Variants in SBF2 observed in about 807,000 individuals in gnomAD.
The protein encoded by SBF2 is myotubularin-related protein 13.
In SBF2, 112 loss-of-function variants were observed where a neutral mutation model predicts 225.2. The observed-to-expected ratio is 0.50, with a 90% CI of 0.43 to 0.58. SBF2 has a LOEUF of 0.58. SBF2 is among the 20% of genes least tolerant of loss of function. The pLI is 0.00. For missense variants in SBF2, 1,996 were observed against 2,206.2 expected (o/e 0.90, Z 1.91); for synonymous variants, 763 against 773.3 (o/e 0.99, Z 0.22).
intron 4 of SBF2, among the ~76,000 whole-genome samples, chr11:10,030,258 T>A (rs1360434753): frequency 6.6e-6 from 1 of 152,204 alleles, no homozygotes; most frequent in East Asian, 1.9e-4. Flanking sequence ...CCGGAATGCT[T>A]ATTCTACAGA....
rs746246566 is a variant in SBF2 at position 10,028,491 on chromosome 11, T to C, written c.580A>G (p.Ile194Val). The C allele has an allele frequency of 6.2e-7, 1 of 1,613,832 alleles. No homozygotes were observed. The change falls in exon 6 of 40, where the codon ATC (isoleucine) becomes GTC (valine). Residue 194 changes from isoleucine to valine, a missense_variant. Coordinates refer to ENST00000256190, the MANE Select transcript of SBF2 (RefSeq NM_030962.4). ...IQTPLHDSLP[I>V]TGTSVALLFQ... Reference sequence around the variant, plus strand: ...AGGAGAGCCACACTAGTGCCCGTGATAGGAAGACTATCATGTAAAGGAGTC... The same window carrying C: ...AGGAGAGCCACACTAGTGCCCGTGACAGGAAGACTATCATGTAAAGGAGTC...
In SBF2 at chr11:9,880,084, T is replaced by TAAAAAAAAA. The variant is rs58140393; in HGVS notation, c.1929+15850_1929+15858dup. ...GGACAATGAGTGAGACTCTGTCTCATAAAAAAAAAAAAAAAAAAAAAAAAA... is the reference window on the plus strand; with the variant it reads ...GGACAATGAGTGAGACTCTGTCTCATAAAAAAAAAAAAAAAAAAAAAAAAAAAAAAAAAA... On this transcript the variant is annotated intron_variant, in intron 17 of 39. Coordinates refer to ENST00000256190, the MANE Select transcript of SBF2 (RefSeq NM_030962.4). 4.2e-4 allele frequency among the ~76,000 whole-genome samples: 22 copies of TAAAAAAAAA among 52,006 alleles called. 6 individuals carry two copies. Among genetic ancestry groups the TAAAAAAAAA allele is most frequent in the African/African-American group, 1.6e-3 (21 of 13,102 alleles). 34.1% of individuals were successfully genotyped at this position (52,006 alleles called of 152,430 possible).
chr11:9,855,080 C>T (rs889917205), intron 19 of SBF2, among the ~76,000 whole-genome samples: 5 of 152,068 alleles, frequency 3.3e-5, no homozygotes, highest in African/African-American at 4.8e-5. Context: ...AGCATCATTT[C>T]GGGAAGATCC....
At position 9,850,080 on chromosome 11, in the gene SBF2, C is replaced by T; in HGVS notation, c.2749G>A (p.Ala917Thr). Reference protein sequence around the residue: ...GGPQLLPAEGALFLTTYRILF... With the variant: ...GGPQLLPAEGTLFLTTYRILF... ...ATTCTGTATGTGGTGAGGAACAAGG[C>T]TCCTTCTGCTGGCAGGAGCTGAGGG... The change falls in exon 22 of 40, where the codon GCC becomes ACC. Residue 917 changes from alanine (A) to threonine (T), a missense_variant. Coordinates refer to ENST00000256190, the MANE Select transcript of SBF2 (RefSeq NM_030962.4). The T allele has an allele frequency of 1.9e-6, 3 of 1,614,146 alleles. No individual in the cohort carries two copies. The highest frequency in any genetic ancestry group is 2.2e-5 in the East Asian group (1 of 44,886).
chr11:10,145,511 G>A (rs1224184721), intron 2 of SBF2, among the ~76,000 whole-genome samples: 2 of 152,100 alleles, frequency 1.3e-5, no homozygotes, highest in African/African-American at 4.8e-5. Context: ...TTAGGGCTGT[G>A]TTTAAAAACT....
chr11:10,234,240 C>A (rs975173043), intron 1 of SBF2, among the ~76,000 whole-genome samples: 2 of 152,026 alleles, frequency 1.3e-5, no homozygotes, highest in Non-Finnish European at 2.9e-5. Context: ...GTTGTTTTTA[C>A]CCCTCATTTT....
rs75447733 is a variant in SBF2, at chr11:9,787,753, A to G, written c.4933-15T>C. 31,236 of 1,608,684 alleles carry G rather than the reference A, an allele frequency of 0.019. 2,819 individuals are homozygous for G. In the East Asian group the frequency reaches 0.32, roughly 17 times the overall value. ...TTTTCAATTTCCTGCAAAGAAATTA[A>G]AAGTTTTCTGATCAGTATTTCATAG... On this transcript the variant is annotated splice_polypyrimidine_tract_variant and intron_variant, in intron 35 of 39. Transcript: ENST00000256190.
At chr11:10,011,679 C>T (rs1948466209) in intron 6 of SBF2, among the ~76,000 whole-genome samples, 1 of 152,186 alleles carries the variant, frequency 6.6e-6, no homozygotes, top group Non-Finnish European at 1.5e-5. Context: ...TATGTCACAT[C>T]AATGCCTTCT....
Position 10,028,504 on chromosome 11 carries a change from A to G in SBF2, c.567T>C (p.His189=). 1.2e-6 allele frequency: 2 copies of G among 1,613,900 alleles called. No individual in the cohort carries two copies. The highest frequency in any genetic ancestry group is 1.7e-6 in the Non-Finnish European group (2 of 1,179,818). The part of the protein sequence containing the change: ...GDRQLIQTPL[H]DSLPITGTSV... Reference sequence around the variant, plus strand: ...TAGTGCCCGTGATAGGAAGACTATCATGTAAAGGAGTCTGGATCAACTGTC... The same window carrying G: ...TAGTGCCCGTGATAGGAAGACTATCGTGTAAAGGAGTCTGGATCAACTGTC... The change falls in exon 6 of 40, where the codon CAT becomes CAC. Residue 189 remains histidine (H), a synonymous_variant. Coordinates refer to ENST00000256190, the MANE Select transcript of SBF2 (RefSeq NM_030962.4).
chr11:9,899,237 T>C (rs997527200), intron 16 of SBF2, among the ~76,000 whole-genome samples: 2 of 151,672 alleles, frequency 1.3e-5, no homozygotes, highest in African/African-American at 4.8e-5. Context: ...TTCATACTTA[T>C]AATCTGAGCA....
intron 26 of SBF2, among the ~76,000 whole-genome samples, chr11:9,834,449 A>G (rs1855613179): frequency 6.6e-6 from 1 of 152,228 alleles, no homozygotes; most frequent in African/African-American, 2.4e-5. Flanking sequence ...ATCCATTTCC[A>G]GAACTTCTTA....
intron 17 of SBF2, 23 bp from the exon 18 acceptor site, chr11:9,858,419 T>A (rs767141682): frequency 1.2e-6 from 2 of 1,613,274 alleles, no homozygotes; most frequent in South Asian, 2.2e-5. Context: ...ACAAAATACA[T>A]CATCATGGGG....
At chr11:10,009,421 CCT>C (rs765798308) in intron 6 of SBF2, among the ~76,000 whole-genome samples, 21 of 152,242 alleles carry the variant, frequency 1.4e-4, no homozygotes, top group African/African-American at 3.1e-4. Flanking sequence ...CTCCCCACCC[CCT>C]GACAGGCCCT....
At chr11:10,084,339 C>T (rs1439140745) in intron 2 of SBF2, among the ~76,000 whole-genome samples, 1 of 151,974 alleles carries the variant, frequency 6.6e-6, no homozygotes, top group Non-Finnish European at 1.5e-5. Context: ...TGCTCAAGTT[C>T]AGTAATAATC....
intron 2 of SBF2, among the ~76,000 whole-genome samples, chr11:10,097,690 C>T (rs1237417964): frequency 6.6e-6 from 1 of 151,954 alleles, no homozygotes; most frequent in African/African-American, 2.4e-5. Flanking sequence ...GGCCAACACC[C>T]CAGTAGAAAA....
intron 1 of SBF2, among the ~76,000 whole-genome samples, chr11:10,196,866 A>ATATATATATATATATTTTT: frequency 4.0e-5 from 4 of 99,306 alleles, no homozygotes; most frequent in African/African-American, 8.1e-5. Flanking sequence ...ATATATATAT[A>ATATATATATATATATTTTT]TTTTTTTTTT....
intron 2 of SBF2, among the ~76,000 whole-genome samples, chr11:10,140,389 A>C (rs984587521): frequency 1.3e-5 from 2 of 152,178 alleles, no homozygotes; most frequent in African/African-American, 2.4e-5. Flanking sequence ...AATGATTTTA[A>C]TCAATCATGC....
intron 16 of SBF2, among the ~76,000 whole-genome samples, chr11:9,931,790 T>C (rs1327362486): frequency 2.6e-5 from 4 of 152,188 alleles, no homozygotes; most frequent in Non-Finnish European, 5.9e-5. Context: ...TTTGATGAGT[T>C]GACAGAAGTA....
chr11:10,158,328 AG>A (rs1251004073), intron 2 of SBF2, among the ~76,000 whole-genome samples: 1 of 152,092 alleles, frequency 6.6e-6, no homozygotes, highest in Non-Finnish European at 1.5e-5. Flanking sequence ...AAAATAATAA[AG>A]ATTAGAGTAG....
Sources: gnomAD v4.1 joint callset for allele counts (sites outside exome capture counted in the v4.1 genomes callset) on GRCh38, gnomAD v4.1.1 for gene constraint, MANE v1.5 for transcripts, NCBI Gene and HGNC (gene_info 2026-07-23, HGNC 2026-07-21) for gene names.